Variants in TNR observed in about 807,000 individuals in gnomAD.
TNR encodes tenascin R, also known as tenascin-R.
In TNR, 45 loss-of-function variants were observed where a neutral mutation model predicts 150.4. The ratio of observed to expected loss-of-function variants is 0.30; its 90% CI spans 0.24 to 0.38. The LOEUF (loss-of-function observed/expected upper bound fraction) is 0.38. Among genes scored for constraint, TNR ranks in the 10% least tolerant of loss-of-function variants. The pLI is 1.00. For synonymous variants in TNR, 687 were observed against 678.4 expected (o/e 1.01, Z -0.20); for missense variants, 1,544 against 1,759.1 (o/e 0.88, Z 2.19).
At chr1:175,496,502 C>G (rs1430206840) in intron 2 of TNR, among the ~76,000 whole-genome samples, 36 of 152,202 alleles carry the variant, frequency 2.4e-4, no homozygotes, top group Non-Finnish European at 2.9e-5. Flanking sequence ...ACTGAAGTCT[C>G]TCATTTTCTG....
intron 2 of TNR, among the ~76,000 whole-genome samples, chr1:175,522,577 T>C (rs539487475): frequency 6.6e-6 from 1 of 152,180 alleles, no homozygotes; most frequent in Non-Finnish European, 1.5e-5. Flanking sequence ...AAAAAATTGC[T>C]TTCTTAAATA....
At chr1:175,657,319 G>T (rs1665209252) in intron 1 of TNR, among the ~76,000 whole-genome samples, 1 of 152,192 alleles carries the variant, frequency 6.6e-6, no homozygotes, top group South Asian at 2.1e-4. Context: ...TACACTGTTG[G>T]TGGGACAGTA....
chr1:175,584,928 T>A (rs1662507230), intron 1 of TNR, among the ~76,000 whole-genome samples: 1 of 152,236 alleles, frequency 6.6e-6, no homozygotes, highest in South Asian at 2.1e-4. Flanking sequence ...CAATTTCAGA[T>A]GCTTTGGTGT....
chr1:175,679,126 TGATA>T (rs1665953963), intron 1 of TNR, among the ~76,000 whole-genome samples: 1 of 152,252 alleles, frequency 6.6e-6, no homozygotes, highest in African/African-American at 2.4e-5. Flanking sequence ...ATTTTACTAT[TGATA>T]AAGTTTACCC....
chr1:175,387,946 C>T (rs1453593575), intron 7 of TNR, among the ~76,000 whole-genome samples: 1 of 152,212 alleles, frequency 6.6e-6, no homozygotes, highest in African/African-American at 2.4e-5. Flanking sequence ...AATCACCAGA[C>T]CACTTGGGTG....
chr1:175,473,650 T>C (rs542591109), intron 2 of TNR, among the ~76,000 whole-genome samples: 1 of 152,308 alleles, frequency 6.6e-6, no homozygotes, highest in Admixed American at 6.5e-5. Context: ...TCCTGCCCCT[T>C]GTCTGATTCT....
chr1:175,430,659 T>C (rs1412402428), intron 2 of TNR, among the ~76,000 whole-genome samples: 1 of 152,196 alleles, frequency 6.6e-6, no homozygotes, highest in East Asian at 1.9e-4. Flanking sequence ...CCTGGTTCCA[T>C]GCTCCTTCCA....
At chr1:175,643,376 C>T (rs1221006731) in intron 1 of TNR, among the ~76,000 whole-genome samples, 1 of 152,182 alleles carries the variant, frequency 6.6e-6, no homozygotes, top group African/African-American at 2.4e-5. Flanking sequence ...ATCACTGGGC[C>T]ACAGTGGTAT....
chr1:175,638,555 G>A (rs1664555122), intron 1 of TNR, among the ~76,000 whole-genome samples: 1 of 152,238 alleles, frequency 6.6e-6, no homozygotes, highest in African/African-American at 2.4e-5. Context: ...CAGGGCAAGG[G>A]AAAGAGGTGA....
intron 21 of TNR, among the ~76,000 whole-genome samples, chr1:175,326,851 A>T (rs900666750): frequency 6.6e-6 from 1 of 152,044 alleles, no homozygotes; most frequent in Non-Finnish European, 1.5e-5. Flanking sequence ...TATTTTCAGT[A>T]GAGACGAGGT....
At chr1:175,724,140 G>A (rs1318431991) in intron 1 of TNR, among the ~76,000 whole-genome samples, 1 of 152,080 alleles carries the variant, frequency 6.6e-6, no homozygotes, top group African/African-American at 2.4e-5. Context: ...GATTGTATTA[G>A]TTTCTTCTCA....
At chr1:175,626,051 G>C (rs1331242592) in intron 1 of TNR, among the ~76,000 whole-genome samples, 1 of 152,128 alleles carries the variant, frequency 6.6e-6, no homozygotes, top group Non-Finnish European at 1.5e-5. Context: ...GGTCTGATGG[G>C]CTTATCAGGG....
intron 1 of TNR, among the ~76,000 whole-genome samples, chr1:175,529,674 A>T (rs547825462): frequency 6.6e-6 from 1 of 152,336 alleles, no homozygotes; most frequent in Non-Finnish European, 1.5e-5. Context: ...GTAGCTGCCC[A>T]CAGATTGCAG....
intron 2 of TNR, among the ~76,000 whole-genome samples, chr1:175,417,715 A>T (rs756789773): frequency 7.2e-5 from 11 of 152,132 alleles, no homozygotes; most frequent in Admixed American, 1.3e-4. Flanking sequence ...TGAAAATTGT[A>T]CTCATCCACA....
intron 8 of TNR, among the ~76,000 whole-genome samples, chr1:175,380,577 A>G (rs1315319712): frequency 1.5e-5 from 2 of 135,196 alleles, no homozygotes; most frequent in African/African-American, 5.4e-5. Context: ...TCTCCAAAGG[A>G]AAAAAAAAAA....
At chr1:175,418,434 G>A (rs1029195182) in intron 2 of TNR, among the ~76,000 whole-genome samples, 2 of 152,192 alleles carry the variant, frequency 1.3e-5, no homozygotes, top group African/African-American at 2.4e-5. Context: ...AATGGAAAAG[G>A]CAGTTGAGGC....
chr1:175,638,154 C>T (rs542300738), intron 1 of TNR, among the ~76,000 whole-genome samples: 1 of 152,302 alleles, frequency 6.6e-6, no homozygotes, highest in Non-Finnish European at 1.5e-5. Context: ...ATACCTGATG[C>T]TGATATGGTC....
At chr1:175,450,184 C>G (rs1455462175) in intron 2 of TNR, among the ~76,000 whole-genome samples, 1 of 152,180 alleles carries the variant, frequency 6.6e-6, no homozygotes, top group Admixed American at 6.5e-5. Context: ...CTCTTCCTTA[C>G]CTGGCACTAT....
intron 9 of TNR, among the ~76,000 whole-genome samples, chr1:175,378,410 G>A (rs1652513195): frequency 6.6e-6 from 1 of 152,126 alleles, no homozygotes; most frequent in Non-Finnish European, 1.5e-5. Flanking sequence ...TTAGGTGTAG[G>A]GTGGAGACTG....
Sources: allele counts gnomAD v4.1 joint callset (sites outside exome capture counted in the v4.1 genomes callset), GRCh38; gene constraint gnomAD v4.1.1; transcripts MANE v1.5; gene names NCBI Gene and HGNC (gene_info 2026-07-23, HGNC 2026-07-21).